Variants in BIRC6 observed in about 807,000 individuals in gnomAD.
BIRC6 encodes dual E2 ubiquitin-conjugating enzyme/E3 ubiquitin-protein ligase BIRC6.
Under a neutral mutation model 503.3 loss-of-function variants are expected in BIRC6, and 98 were observed. The observed-to-expected ratio is 0.19, with a 90% CI of 0.17 to 0.23. The LOEUF (loss-of-function observed/expected upper bound fraction) is 0.23. Ranked by LOEUF, BIRC6 falls within the 10% of genes least tolerant of loss-of-function variation. The probability of loss-of-function intolerance (pLI) is 1.00; values close to 1 mark genes in which losing one functional copy is unlikely to be tolerated. For missense variants in BIRC6, 5,360 were observed against 5,806.0 expected (o/e 0.92, Z 2.50); for synonymous variants, 2,240 against 2,078.7 (o/e 1.08, Z -2.11).
intron 21 of BIRC6, among the ~76,000 whole-genome samples, chr2:32,448,379 G>C (rs1460057592): frequency 6.8e-6 from 1 of 146,904 alleles, no homozygotes; most frequent in Non-Finnish European, 1.5e-5. Flanking sequence ...CTGAGTGAAC[G>C]AGACTCCGTC....
chr2:32,545,581 T>A, intron 62 of BIRC6, 62 bp from the exon 63 acceptor site: 1 of 1,361,506 alleles, frequency 7.3e-7, no homozygotes, highest in South Asian at 1.2e-5. Flanking sequence ...TGACCCTGTA[T>A]GTAACTTCTT....
chr2:32,488,757 G>A, intron 42 of BIRC6, 43 bp downstream of exon 42: 2 of 1,256,928 alleles, frequency 1.6e-6, no homozygotes, highest in Non-Finnish European at 2.1e-6. Context: ...TAAATAGCAA[G>A]CTTAAAACGT....
rs116019301 is a variant in BIRC6, at chr2:32,360,485, A to G, written c.325+2999A>G. Among the ~76,000 whole-genome samples, 1,155 of 152,226 alleles carry G rather than the reference A, an allele frequency of 7.6e-3. 8 individuals carry two copies. Among genetic ancestry groups the G allele is most frequent in the Middle Eastern group, 0.021 (6 of 292 alleles). On this transcript the variant is annotated intron_variant, in intron 1 of 73. Coordinates refer to ENST00000421745, the MANE Select transcript of BIRC6 (RefSeq NM_016252.4). ...TGATCTGGCTTTTACTAGTCTCTCTAGTCTTGTCTCCTTATTTATAAGTTT... is the reference window on the plus strand; with the variant it reads ...TGATCTGGCTTTTACTAGTCTCTCTGGTCTTGTCTCCTTATTTATAAGTTT...
chr2:32,597,919 C>G lies in BIRC6; in HGVS notation c.13781C>G (p.Ser4594Cys). ...TCAACCTCACTGCCTCTGTCTTCATCCTCTAGTGTGTTTGTACGCTGTGAT... is the reference window on the plus strand; with the variant it reads ...TCAACCTCACTGCCTCTGTCTTCATGCTCTAGTGTGTTTGTACGCTGTGAT... ...TLSTSLPLSS[S>C]SSVFVRCDEE... Residue 4594 changes from serine (S) to cysteine (C), a missense_variant, in exon 69 of 74, where the codon TCC (serine) becomes TGC (cysteine). Physicochemically the swap from Ser to Cys is moderately radical, Grantham distance 112 (BLOSUM62 -1). Coordinates refer to ENST00000421745, the MANE Select transcript of BIRC6 (RefSeq NM_016252.4). 2 of 1,613,662 alleles carry G rather than the reference C, an allele frequency of 1.2e-6. No individual in the cohort carries two copies. The highest frequency in any genetic ancestry group is 1.7e-6 in the Non-Finnish European group (2 of 1,179,866).
chr2:32,491,903 T>C lies in BIRC6; in HGVS notation c.8340+345T>C, dbSNP rs889882032. ...TTTTAATATGTCATATTTGATTACT[T>C]CTACTATCAAGATTATCAATTCACC... is the stretch of plus-strand genomic sequence containing the variant. On this transcript the variant is annotated intron_variant, in intron 44 of 73. Coordinates refer to ENST00000421745, the MANE Select transcript of BIRC6 (RefSeq NM_016252.4). Among the ~76,000 whole-genome samples the C allele has an allele frequency of 5.9e-5, 9 of 152,254 alleles. No homozygotes were observed. The East Asian group carries it at 1.5e-3, about 26-fold the overall frequency.
chr2:32,431,448 G>A (rs983040828), intron 12 of BIRC6, among the ~76,000 whole-genome samples: 4 of 151,872 alleles, frequency 2.6e-5, no homozygotes, highest in Admixed American at 6.6e-5. Flanking sequence ...CACCTACCTC[G>A]GCCTCCCGAA....
chr2:32,359,794 TC>T (rs906023645), intron 1 of BIRC6, among the ~76,000 whole-genome samples: 1 of 152,076 alleles, frequency 6.6e-6, no homozygotes, highest in African/African-American at 2.4e-5. Context: ...GTCTTGAACT[TC>T]CGGCCTCAAA....
chr2:32,411,413 A>G (rs2041859906), intron 9 of BIRC6, among the ~76,000 whole-genome samples: 1 of 146,556 alleles, frequency 6.8e-6, no homozygotes. Flanking sequence ...ATATATATAT[A>G]TATATTTTAT....
At chr2:32,399,736 A>C (rs2040391409) in intron 6 of BIRC6, among the ~76,000 whole-genome samples, 1 of 152,098 alleles carries the variant, frequency 6.6e-6, no homozygotes, top group East Asian at 1.9e-4. Flanking sequence ...TCATTATACC[A>C]GTCTTGATAT....
intron 6 of BIRC6, among the ~76,000 whole-genome samples, chr2:32,397,654 A>G (rs1278565543): frequency 7.2e-6 from 1 of 138,842 alleles, no homozygotes; most frequent in African/African-American, 2.7e-5. Flanking sequence ...ACACACACAC[A>G]TATATGTGTA....
At chr2:32,523,695 GT>G (rs2055977923) in intron 57 of BIRC6, 1 of 152,138 alleles carries the variant, frequency 6.6e-6, no homozygotes, top group South Asian at 2.1e-4. Context: ...GTTGTTTATT[GT>G]TTTATTGTCT....
At chr2:32,496,299 C>T (rs2052463819) in intron 45 of BIRC6, among the ~76,000 whole-genome samples, 1 of 151,744 alleles carries the variant, frequency 6.6e-6, no homozygotes, top group Non-Finnish European at 1.5e-5. Context: ...GATTCAGACT[C>T]ACTGCAACCT....
rs758863736 is a variant in BIRC6, at chr2:32,617,847, G to A, written c.14517G>A (p.Met4839Ile). 6.2e-6 allele frequency: 10 copies of A among 1,613,846 alleles called. No homozygotes were observed. In the East Asian group the frequency reaches 1.6e-4, roughly 25 times the overall value. ...CAACAGGTGCTGAGGAGACTCTAAT[G>A]CATGATCAGGTTAAACCCAGCAGCA... ...RATTGAEETL[M>I]HDQVKPSSSK... The change falls in exon 74 of 74, where the codon ATG becomes ATA. Residue 4839 changes from methionine to isoleucine, a missense_variant. Transcript: ENST00000421745.
In BIRC6 at chr2:32,595,023, T is replaced by C; in HGVS notation, c.13502-11T>C. On this transcript the variant is annotated splice_polypyrimidine_tract_variant and intron_variant, in intron 67 of 73. Transcript: ENST00000421745. ...TGTATATGTTATTTATCTTGAAATA[T>C]TAAATAACAGAAAAAAAACTGGGTG... is the stretch of plus-strand genomic sequence containing the variant. The C allele has an allele frequency of 1.3e-6, 2 of 1,486,324 alleles. No individual in the cohort carries two copies. The highest frequency in any genetic ancestry group is 1.8e-6 in the Non-Finnish European group (2 of 1,089,282). The allele number at this position is 1,486,324 out of a possible 1,614,324, so 92.1% of individuals were successfully genotyped here.
chr2:32,521,091 G>A (rs2055610385), intron 57 of BIRC6, among the ~76,000 whole-genome samples: 1 of 151,994 alleles, frequency 6.6e-6, no homozygotes, highest in Non-Finnish European at 1.5e-5. Flanking sequence ...AAAGTTATAT[G>A]TGCTGAATGT....
rs1374092190 is a variant in BIRC6, at chr2:32,395,127, T to C, written c.952-384T>C. ...GAGATTGCGCCACTGCACTCCAGCC[T>C]GGGTGACAGAGCGAGACTCAGTCTC... is the stretch of plus-strand genomic sequence containing the variant. On this transcript the variant is annotated intron_variant, in intron 5 of 73. Coordinates refer to ENST00000421745, the MANE Select transcript of BIRC6 (RefSeq NM_016252.4). Among the ~76,000 whole-genome samples, 5 of 152,200 alleles carry C rather than the reference T, an allele frequency of 3.3e-5. No homozygotes were observed. The East Asian group carries it at 5.8e-4, about 18-fold the overall frequency.
At chr2:32,500,176 A>G (rs2052986070) in intron 46 of BIRC6, 67 bp downstream of exon 46, 1 of 1,346,948 alleles carries the variant, frequency 7.4e-7, no homozygotes, top group Non-Finnish European at 1.0e-6. Context: ...TTTAAGCAAT[A>G]TATGGATTCA....
chr2:32,404,681 AT>A (rs1032099442), intron 8 of BIRC6, among the ~76,000 whole-genome samples: 1,711 of 148,240 alleles, frequency 0.012, 29 homozygotes, highest in African/African-American at 0.039. Context: ...TATATATATA[AT>A]TTTTTTTTTT....
At position 32,618,861 on chromosome 2, in the gene BIRC6, A is replaced by G. The variant is rs1266888115; in HGVS notation, c.*957A>G. On this transcript the variant is annotated 3_prime_UTR_variant, in exon 74 of 74. Transcript: ENST00000421745. ...TGCAAATTCTTCCTAGAGCCAAATA[A>G]ATAAAGACTTAGGTGAATTAGTATG... 6.6e-6 allele frequency: 1 copy of G among 152,622 alleles called. No homozygotes were observed. The highest frequency in any genetic ancestry group is 1.5e-5 in the Non-Finnish European group (1 of 68,030). 9.5% of individuals were successfully genotyped at this position (152,622 alleles called of 1,614,324 possible).
Sources: allele counts gnomAD v4.1 joint callset (sites outside exome capture counted in the v4.1 genomes callset), GRCh38; gene constraint gnomAD v4.1.1; transcripts MANE v1.5; gene names NCBI Gene and HGNC (gene_info 2026-07-23, HGNC 2026-07-21).